IL1R1: variants seen among roughly 807,000 people sequenced by gnomAD.
The protein encoded by IL1R1 is interleukin-1 receptor type 1.
A neutral mutation model predicts 50.2 loss-of-function variants in IL1R1; 22 were observed. The observed-to-expected ratio is 0.44, with a 90% CI of 0.31 to 0.63. The LOEUF (loss-of-function observed/expected upper bound fraction) is 0.63. Ranked by LOEUF, IL1R1 falls within the 20% of genes least tolerant of loss-of-function variation. The pLI, the probability that IL1R1 is intolerant of heterozygous loss-of-function variation, is 0.07. For missense variants in IL1R1, 509 were observed against 676.2 expected (o/e 0.75, Z 2.74); for synonymous variants, 251 against 236.7 (o/e 1.06, Z -0.55).
chr2:102,109,830 A>G (rs553780478), intron 1 of IL1R1, among the ~76,000 whole-genome samples: 1 of 152,288 alleles, frequency 6.6e-6, no homozygotes, highest in East Asian at 1.9e-4. Context: ...ACTCCAGCGA[A>G]TGAGATGGAG....
intron 1 of IL1R1, among the ~76,000 whole-genome samples, chr2:102,125,749 C>A (rs1265881803): frequency 6.6e-6 from 1 of 152,170 alleles, no homozygotes; most frequent in African/African-American, 2.4e-5. Flanking sequence ...GTTGTCTGTG[C>A]TTCTAAAGGA....
intron 1 of IL1R1, among the ~76,000 whole-genome samples, chr2:102,073,184 T>G (rs999786465): frequency 1.3e-5 from 2 of 152,184 alleles, no homozygotes; most frequent in African/African-American, 4.8e-5. Context: ...AGTGTCAGCA[T>G]TTATTCATTC....
intron 1 of IL1R1, among the ~76,000 whole-genome samples, chr2:102,136,651 C>G (rs932803263): frequency 1.3e-5 from 2 of 152,180 alleles, no homozygotes; most frequent in Non-Finnish European, 2.9e-5. Context: ...GCTGGGATTA[C>G]AGGTGTGAGC....
chr2:102,164,678 T>A, intron 3 of IL1R1, 96 bp from the exon 4 acceptor site: 1 of 741,638 alleles, frequency 1.3e-6, no homozygotes, highest in Non-Finnish European at 2.3e-6. Flanking sequence ...TGTGAATTGA[T>A]GTATTTAATA....
At chr2:102,103,227 C>T (rs116307960), upstream of IL1R1, among the ~76,000 whole-genome samples, 1,260 of 152,294 alleles carry the variant, frequency 8.3e-3, 15 homozygotes, top group African/African-American at 0.028. Flanking sequence ...GTGCTCACTT[C>T]TGCTATCTCC....
At chr2:102,164,071 TC>T (rs1684956943) in intron 3 of IL1R1, among the ~76,000 whole-genome samples, 1 of 152,158 alleles carries the variant, frequency 6.6e-6, no homozygotes, top group Non-Finnish European at 1.5e-5. Context: ...CATGTGTTAC[TC>T]CCTCCAGTTC....
At chr2:102,094,004 GAAAAC>G (rs572363888) in intron 1 of IL1R1, among the ~76,000 whole-genome samples, 11 of 152,130 alleles carry the variant, frequency 7.2e-5, no homozygotes, top group African/African-American at 2.2e-4. Context: ...CTGCCCTGGG[GAAAAC>G]AAAACAAAAC....
chr2:102,121,376 C>T (rs1263590810), intron 1 of IL1R1, among the ~76,000 whole-genome samples: 1 of 152,236 alleles, frequency 6.6e-6, no homozygotes, highest in Non-Finnish European at 1.5e-5. Flanking sequence ...GCCCTTGCAG[C>T]TGTGGAGCCA....
At chr2:102,133,387 C>T (rs1209368891) in intron 1 of IL1R1, among the ~76,000 whole-genome samples, 1 of 152,128 alleles carries the variant, frequency 6.6e-6, no homozygotes, top group Non-Finnish European at 1.5e-5. Flanking sequence ...GTAAATGCTT[C>T]TCAACTCATG....
At chr2:102,074,023 T>C (rs78511820) in intron 1 of IL1R1, among the ~76,000 whole-genome samples, 2,343 of 152,246 alleles carry the variant, frequency 0.015, 61 homozygotes, top group African/African-American at 0.053. Flanking sequence ...CCACTTCAAG[T>C]CCCATGTTCT....
At chr2:102,149,704 C>A (rs1683482362) in intron 1 of IL1R1, among the ~76,000 whole-genome samples, 2 of 152,114 alleles carry the variant, frequency 1.3e-5, no homozygotes, top group African/African-American at 4.8e-5. Context: ...CTGGCCAGGG[C>A]TGTACAGAGG....
At chr2:102,086,256 T>C (rs1447608805) in intron 1 of IL1R1, among the ~76,000 whole-genome samples, 1 of 152,136 alleles carries the variant, frequency 6.6e-6, no homozygotes, top group Non-Finnish European at 1.5e-5. Context: ...GTGCTTAGAG[T>C]ATGTTGTTCC....
intron 8 of IL1R1, chr2:102,172,189 T>A: frequency 3.8e-6 from 3 of 795,118 alleles, no homozygotes; most frequent in Non-Finnish European, 4.6e-6. Context: ...ACGAAGCAAT[T>A]ATCTTTCATT....
At chr2:102,094,239 G>A (rs912648114) in intron 1 of IL1R1, among the ~76,000 whole-genome samples, 3 of 152,226 alleles carry the variant, frequency 2.0e-5, no homozygotes, top group Admixed American at 6.5e-5. Context: ...GTGAAATTGT[G>A]TAGTGAGGGA....
chr2:102,089,376 CTT>C (rs1679561750), intron 1 of IL1R1, among the ~76,000 whole-genome samples: 1 of 152,170 alleles, frequency 6.6e-6, no homozygotes, highest in South Asian at 2.1e-4. Flanking sequence ...CATTTATTAA[CTT>C]TTCTGTCTTA....
At chr2:102,171,765 C>T in intron 7 of IL1R1, 36 bp from the exon 8 acceptor site, 1 of 1,231,152 alleles carries the variant, frequency 8.1e-7, no homozygotes, top group Non-Finnish European at 1.2e-6. Flanking sequence ...CAGAAAAAAT[C>T]AATTAATGTT....
chr2:102,166,259 G>T lies in IL1R1; in HGVS notation c.633G>T (p.Arg211=). ...TYLGKQYPIT[R]VIEFITLEEN... Reference sequence around the variant, plus strand: ...TGGGCAAGCAATATCCTATTACCCGGGTAATAGAATTTATTACTCTAGGTG... The same window carrying T: ...TGGGCAAGCAATATCCTATTACCCGTGTAATAGAATTTATTACTCTAGGTG... The change falls in exon 6 of 12, where the codon CGG becomes CGT. Residue 211 remains arginine (R), a synonymous_variant. Transcript: ENST00000410023. The T allele has an allele frequency of 1.9e-6, 3 of 1,612,758 alleles. No homozygotes were observed. The highest frequency in any genetic ancestry group is 2.5e-6 in the Non-Finnish European group (3 of 1,179,230).
At chr2:102,145,209 G>A (rs1328584444) in intron 1 of IL1R1, among the ~76,000 whole-genome samples, 2 of 152,212 alleles carry the variant, frequency 1.3e-5, no homozygotes, top group African/African-American at 4.8e-5. Flanking sequence ...CACAGCTCCA[G>A]GATGCTACCC....
chr2:102,113,973 T>C (rs537519667), intron 1 of IL1R1, among the ~76,000 whole-genome samples: 211 of 152,328 alleles, frequency 1.4e-3, no homozygotes, highest in African/African-American at 4.6e-3. Context: ...GTACACATCA[T>C]TATGCCAAAA....
Sources: gnomAD v4.1 joint callset for allele counts (sites outside exome capture counted in the v4.1 genomes callset) on GRCh38, gnomAD v4.1.1 for gene constraint, MANE v1.5 for transcripts, NCBI Gene and HGNC (gene_info 2026-07-23, HGNC 2026-07-21) for gene names.